The following BRF1 variants were observed in gnomAD, a reference collection of about 807,000 sequenced individuals.
BRF1 encodes BRF1 general transcription factor IIIB subunit.
In BRF1, 59 loss-of-function variants were observed where a neutral mutation model predicts 81.7. The ratio of observed to expected loss-of-function variants is 0.72; its 90% CI spans 0.59 to 0.90. The LOEUF (loss-of-function observed/expected upper bound fraction) is 0.90, where lower values mean the gene tolerates loss of function less well. BRF1 is among the 40% of genes least tolerant of loss of function. The probability of loss-of-function intolerance (pLI) is 0.00; values close to 1 mark genes in which losing one functional copy is unlikely to be tolerated. For synonymous variants in BRF1, 491 were observed against 395.6 expected (o/e 1.24, Z -2.86); for missense variants, 1,050 against 936.3 (o/e 1.12, Z -1.58).
chr14:105,217,717 C>G lies in BRF1; in HGVS notation c.1599G>C (p.Lys533Asn). 3 of 1,613,370 alleles carry G rather than the reference C, an allele frequency of 1.9e-6. No homozygotes were observed. The highest frequency in any genetic ancestry group is 2.5e-6 in the Non-Finnish European group (3 of 1,179,950). Residue 533 changes from lysine to asparagine, a missense_variant, in exon 15 of 18, where the codon AAG becomes AAC. Coordinates refer to ENST00000547530, the MANE Select transcript of BRF1 (RefSeq NM_001519.4). ...EAIEKMLEQKKISSKINYSVL... is the reference protein window; with the variant it reads ...EAIEKMLEQKNISSKINYSVL... ...CGCTATAATTGATCTTGCTGGAGAT[C>G]TTCTTCTGCTCCAGCATCTTCTCGA...
chr14:105,240,976 A>C (rs2054561442), intron 6 of BRF1, among the ~76,000 whole-genome samples: 1 of 152,214 alleles, frequency 6.6e-6, no homozygotes, highest in South Asian at 2.1e-4. Flanking sequence ...GACCACGGGC[A>C]GGGATGCCCA....
At chr14:105,228,433 A>G (rs587663693) in intron 7 of BRF1, among the ~76,000 whole-genome samples, 1 of 151,782 alleles carries the variant, frequency 6.6e-6, no homozygotes, top group Admixed American at 6.6e-5. Context: ...AATCCCAGCT[A>G]CTCAGGAGGC....
chr14:105,209,747 C>T lies in BRF1; in HGVS notation c.*804G>A, dbSNP rs193081985. 8.7e-3 allele frequency: 5,176 copies of T among 597,962 alleles called. 156 individuals carry two copies. The highest frequency in any genetic ancestry group is 0.067 in the Admixed American group (2,338 of 34,740). 37.0% of individuals were successfully genotyped at this position (597,962 alleles called of 1,614,324 possible). On this transcript the variant is annotated 3_prime_UTR_variant, in exon 18 of 18. Coordinates refer to ENST00000547530, the MANE Select transcript of BRF1 (RefSeq NM_001519.4). ...GCCAGGACACTATGCAGGCTATGCCCGCACTGCCTACAGAGCTATGCTCAG... is the reference window on the plus strand; with the variant it reads ...GCCAGGACACTATGCAGGCTATGCCTGCACTGCCTACAGAGCTATGCTCAG...
At chr14:105,296,377 G>C (rs1043247094) in intron 1 of BRF1, among the ~76,000 whole-genome samples, 1 of 151,998 alleles carries the variant, frequency 6.6e-6, no homozygotes, top group Non-Finnish European at 1.5e-5. Flanking sequence ...GCCGGGCGTG[G>C]TGCTGGGCGC....
intron 5 of BRF1, among the ~76,000 whole-genome samples, chr14:105,244,185 T>A (rs2054918714): frequency 1.3e-5 from 2 of 150,718 alleles, no homozygotes; most frequent in Admixed American, 1.3e-4. Context: ...CTCACACCTG[T>A]GAGTCCCAGA....
Position 105,249,363 on chromosome 14 carries a change from G to A in BRF1, c.544+3144C>T, listed in dbSNP as rs753143783. 52 of 1,610,634 alleles carry A rather than the reference G, an allele frequency of 3.2e-5. 1 individual carries two copies. The South Asian group carries it at 5.1e-4, about 16-fold the overall frequency. On this transcript the variant is annotated intron_variant, in intron 5 of 17. Coordinates refer to ENST00000547530, the MANE Select transcript of BRF1 (RefSeq NM_001519.4). ...CGGCGGCGCTTTCTCCTCCCAGTAC[G>A]TCTTGGCTGTCGGCAGCTCCGTCTT...
chr14:105,240,962 A>T (rs1202896478), intron 6 of BRF1, among the ~76,000 whole-genome samples: 1 of 152,222 alleles, frequency 6.6e-6, no homozygotes, highest in African/African-American at 2.4e-5. Context: ...GCCGGGCCCC[A>T]CGAGACCACG....
At chr14:105,288,617 A>C (rs2057402380) in intron 1 of BRF1, among the ~76,000 whole-genome samples, 1 of 148,402 alleles carries the variant, frequency 6.7e-6, no homozygotes, top group Non-Finnish European at 1.5e-5. Context: ...GGGGAGACCC[A>C]TTTCTTTCTT....
chr14:105,217,394 C>A, intron 15 of BRF1, 150 bp downstream of exon 15: 1 of 1,262,848 alleles, frequency 7.9e-7, no homozygotes. Context: ...CCGGAGAAGG[C>A]CCACCAGTCC....
intron 1 of BRF1, among the ~76,000 whole-genome samples, chr14:105,310,726 A>G (rs1462493913): frequency 6.6e-6 from 1 of 151,682 alleles, no homozygotes; most frequent in African/African-American, 2.4e-5. Flanking sequence ...CTGTGGTTTG[A>G]TTTTCCCTAC....
chr14:105,258,350 G>C (rs587767288), intron 3 of BRF1, among the ~76,000 whole-genome samples: 1 of 151,956 alleles, frequency 6.6e-6, no homozygotes, highest in African/African-American at 2.4e-5. Context: ...TTAGCCGGGC[G>C]TGTTGGCGGG....
intron 5 of BRF1, among the ~76,000 whole-genome samples, chr14:105,244,511 G>A (rs2054939227): frequency 6.6e-6 from 1 of 152,064 alleles, no homozygotes; most frequent in South Asian, 2.1e-4. Context: ...TAGGGTGGAG[G>A]AGGAAGTGGT....
At chr14:105,241,218 GCCAGGAC>G in intron 6 of BRF1, 40 bp downstream of exon 6, 3 of 1,599,502 alleles carry the variant, frequency 1.9e-6, no homozygotes, top group Non-Finnish European at 2.5e-6. Flanking sequence ...AAAGTGTGAG[GCCAGGAC>G]CCAGACCAGC....
chr14:105,219,470 C>A, intron 12 of BRF1: 2 of 839,408 alleles, frequency 2.4e-6, no homozygotes, highest in South Asian at 4.0e-5. Context: ...CCCCCTAGGG[C>A]AGCTTGCAAG....
At position 105,211,135 on chromosome 14, in the gene BRF1, C is replaced by G. The variant is rs190807676; in HGVS notation, c.1983G>C (p.Met661Ile). Residue 661 changes from methionine (M) to isoleucine (I), a missense_variant, in exon 17 of 18, where the codon ATG becomes ATC. By Grantham distance (10) the Met-to-Ile change is conservative. Coordinates refer to ENST00000547530, the MANE Select transcript of BRF1 (RefSeq NM_001519.4). ...DGEPCVSALQ[M>I]MGSNDYGCDG... is the part of the protein sequence containing the mutation. ...GGCCCCACCCACCGTTGCTGCCCAT[C>G]ATCTGCAGGGCACTGACGCAGGGCT... 6.2e-7 allele frequency: 1 copy of G among 1,612,644 alleles called. No homozygotes were observed. Among genetic ancestry groups the G allele is most frequent in the East Asian group, 2.2e-5 (1 of 44,856 alleles).
intron 2 of BRF1, among the ~76,000 whole-genome samples, chr14:105,274,583 G>A (rs1028237015): frequency 6.6e-6 from 1 of 152,196 alleles, no homozygotes; most frequent in African/African-American, 2.4e-5. Context: ...CGCCTCCCTG[G>A]AGCAAGACCC....
intron 3 of BRF1, among the ~76,000 whole-genome samples, chr14:105,265,654 T>A (rs587706634): frequency 7.9e-4 from 120 of 151,952 alleles, no homozygotes; most frequent in African/African-American, 2.7e-3. Flanking sequence ...CCCAGCAGTA[T>A]TGGGAGGCCG....
At position 105,215,100 on chromosome 14, in the gene BRF1, T is replaced by TG. The variant is rs764434162; in HGVS notation, c.1772+2443dup. Among the ~76,000 whole-genome samples the TG allele has an allele frequency of 3.9e-5, 6 of 152,216 alleles. No homozygotes were observed. In the South Asian group the frequency reaches 8.3e-4, roughly 21 times the overall value. On this transcript the variant is annotated intron_variant, in intron 15 of 17. Coordinates refer to ENST00000547530, the MANE Select transcript of BRF1 (RefSeq NM_001519.4). ...TTCCCGAATCAGATCATGGCCATGT[T>TG]GGGGGGAAGACTGATGGGTTTCTAA... is the stretch of plus-strand genomic sequence containing the variant.
chr14:105,223,645 G>A (rs185616324), intron 10 of BRF1, among the ~76,000 whole-genome samples: 1 of 152,212 alleles, frequency 6.6e-6, no homozygotes, highest in Admixed American at 6.5e-5. Flanking sequence ...GGGGCAGGAG[G>A]GGGGGTGGTG....
Sources: allele counts gnomAD v4.1 joint callset (sites outside exome capture counted in the v4.1 genomes callset), GRCh38; gene constraint gnomAD v4.1.1; transcripts MANE v1.5; gene names NCBI Gene and HGNC (gene_info 2026-07-23, HGNC 2026-07-21).